Variants in ERG observed in about 807,000 individuals in gnomAD.
The protein encoded by ERG is ETS transcription factor ERG.
A neutral mutation model predicts 55.3 loss-of-function variants in ERG; 9 were observed. The ratio of observed to expected loss-of-function variants is 0.16; its 90% confidence interval spans 0.10 to 0.28. The LOEUF (loss-of-function observed/expected upper bound fraction) is 0.28, where lower values mean the gene tolerates loss of function less well. Ranked by LOEUF, ERG falls within the 10% of genes least tolerant of loss-of-function variation. The probability of loss-of-function intolerance (pLI) is 1.00; values close to 1 mark genes in which losing one functional copy is unlikely to be tolerated. For missense variants in ERG, 434 were observed against 631.6 expected, an observed-to-expected ratio of 0.69 and a Z score of 3.35; for synonymous variants, 223 against 237.3, an observed-to-expected ratio of 0.94 and a Z score of 0.55.
intron 2 of ERG, among the ~76,000 whole-genome samples, chr21:38,565,938 T>A (rs2059920217): frequency 6.6e-6 from 1 of 152,194 alleles, no homozygotes; most frequent in Non-Finnish European, 1.5e-5. Context: ...TGAGATAACG[T>A]AACTTGTTGA....
chr21:38,613,221 G>T (rs1172906167), intron 1 of ERG, among the ~76,000 whole-genome samples: 1 of 152,228 alleles, frequency 6.6e-6, no homozygotes, highest in Non-Finnish European at 1.5e-5. Context: ...AGACCAAGCA[G>T]TTTCACTGCT....
chr21:38,412,188 C>G (rs1237229743), intron 3 of ERG, among the ~76,000 whole-genome samples: 4 of 152,150 alleles, frequency 2.6e-5, no homozygotes, highest in Non-Finnish European at 5.9e-5. Flanking sequence ...CTTATTATCA[C>G]TGATCTATCT....
intron 2 of ERG, among the ~76,000 whole-genome samples, chr21:38,573,563 A>T (rs554146653): frequency 6.6e-6 from 1 of 152,244 alleles, no homozygotes; most frequent in Non-Finnish European, 1.5e-5. Flanking sequence ...CTATGTGCAC[A>T]TCCAGGCATA....
At chr21:38,486,087 C>A (rs2146662471) in intron 1 of ERG, among the ~76,000 whole-genome samples, 1 of 151,946 alleles carries the variant, frequency 6.6e-6, no homozygotes, top group Non-Finnish European at 1.5e-5. Flanking sequence ...GTGCGTGCCA[C>A]CATGCCTGGC....
intron 1 of ERG, among the ~76,000 whole-genome samples, chr21:38,457,658 G>A (rs1336039547): frequency 2.0e-5 from 3 of 152,150 alleles, no homozygotes; most frequent in African/African-American, 7.2e-5. Context: ...ATCTTTCCCA[G>A]GAAGAAAAGG....
At chr21:38,577,351 C>T (rs1465182012) in intron 1 of ERG, among the ~76,000 whole-genome samples, 1 of 152,154 alleles carries the variant, frequency 6.6e-6, no homozygotes, top group Non-Finnish European at 1.5e-5. Context: ...CCAAGATTGG[C>T]GGAGCTTGGC....
chr21:38,383,356 G>A lies in ERG; in HGVS notation c.*47C>T, dbSNP rs753450790. 1.4e-6 allele frequency: 2 copies of A among 1,440,134 alleles called. No individual in the cohort carries two copies. The highest frequency in any genetic ancestry group is 2.3e-5 in the East Asian group (1 of 42,630). 89.2% of individuals were successfully genotyped at this position (1,440,134 alleles called of 1,614,324 possible). On this transcript the variant is annotated 3_prime_UTR_variant, in exon 10 of 10. Coordinates refer to ENST00000288319, the MANE Select transcript of ERG (RefSeq NM_182918.4). The surrounding 1 kb of genome is among the most constrained non-coding windows in gnomAD (Gnocchi z 5.7). The stretch of plus-strand genomic sequence containing the variant: ...CATGTTCTCCGATAGAGTTTGTGGC[G>A]ATGGGCTGGTGAATGCACGCTGATG...
At chr21:38,591,027 T>C (rs1224278047) in intron 1 of ERG, among the ~76,000 whole-genome samples, 2 of 152,108 alleles carry the variant, frequency 1.3e-5, no homozygotes, top group East Asian at 1.9e-4. Flanking sequence ...CAGAAGAGGA[T>C]TGAAGGCAGT....
intron 4 of ERG, 89 bp downstream of exon 4, chr21:38,403,417 C>T: frequency 3.1e-6 from 4 of 1,280,756 alleles, no homozygotes; most frequent in Admixed American, 3.6e-5. Context: ...CAGGAGGATG[C>T]TGTCGACACA....
At chr21:38,409,238 C>T (rs1406983371) in intron 3 of ERG, among the ~76,000 whole-genome samples, 3 of 152,008 alleles carry the variant, frequency 2.0e-5, no homozygotes, top group African/African-American at 7.2e-5. Context: ...AATCCCAGCA[C>T]TTTGGGAGGC....
chr21:38,389,286 T>C (rs1987857554), intron 9 of ERG, among the ~76,000 whole-genome samples: 1 of 152,136 alleles, frequency 6.6e-6, no homozygotes, highest in Non-Finnish European at 1.5e-5. Context: ...TTAACTTCTC[T>C]GGACTTCTAA....
At chr21:38,514,235 AG>A (rs1204505531) in intron 2 of ERG, among the ~76,000 whole-genome samples, 18 of 151,814 alleles carry the variant, frequency 1.2e-4, no homozygotes, top group African/African-American at 3.9e-4. Flanking sequence ...TAAAAAAAAA[AG>A]GATGCCACTC....
At chr21:38,379,079 T>C (rs558660562), downstream of ERG, among the ~76,000 whole-genome samples, 28 of 152,202 alleles carry the variant, frequency 1.8e-4, no homozygotes, top group Admixed American at 1.6e-3. Context: ...TGCTGCTCCA[T>C]CAAACTCCCA....
chr21:38,661,517 G>A (rs1267556976), intron 1 of ERG: 1 of 152,220 alleles, frequency 6.6e-6, no homozygotes. Context: ...AGCCGCCCTT[G>A]GGAGACGACG....
In ERG at chr21:38,484,081, T is replaced by A. The variant is rs536951821; in HGVS notation, c.18+14282A>T. 1.1e-4 allele frequency among the ~76,000 whole-genome samples: 16 copies of A among 152,276 alleles called. No homozygotes were observed. The South Asian group carries it at 2.7e-3, about 26-fold the overall frequency. ...GACAACAGCCACAGAACTTAAGGCA[T>A]AGAACTTTAACAACACACGTTTTGA... On this transcript the variant is annotated intron_variant, in intron 1 of 9. Transcript: ENST00000288319.
Position 38,402,509 on chromosome 21 carries a change from G to A in ERG, c.673+48C>T, listed in dbSNP as rs113975077. The A allele has an allele frequency of 4.9e-5, 71 of 1,441,744 alleles. 1 individual carries two copies. The African/African-American group carries it at 6.1e-4, about 12-fold the overall frequency. 89.3% of individuals were successfully genotyped at this position (1,441,744 alleles called of 1,614,324 possible). ...TCCCATGAAAGCATGCAACCTGTAC[G>A]TAAGACCCTACGCTCTTGCTGGGAG... On this transcript the variant is annotated intron_variant, in intron 5 of 9. Transcript: ENST00000288319.
chr21:38,418,323 G>A (rs183726617), intron 3 of ERG, among the ~76,000 whole-genome samples: 1 of 149,356 alleles, frequency 6.7e-6, no homozygotes, highest in Admixed American at 6.7e-5. Context: ...GTCTCACTCT[G>A]GCTTCCTGGT....
At chr21:38,527,748 G>A (rs552692690) in intron 2 of ERG, among the ~76,000 whole-genome samples, 1 of 152,334 alleles carries the variant, frequency 6.6e-6, no homozygotes, top group East Asian at 1.9e-4. Flanking sequence ...AAGCTTTGAA[G>A]CCAGAGGTTA....
chr21:38,543,494 T>A (rs2146801164), intron 2 of ERG, among the ~76,000 whole-genome samples: 1 of 152,238 alleles, frequency 6.6e-6, no homozygotes, highest in East Asian at 1.9e-4. Context: ...AATGGGCATA[T>A]ATGACTTTTA....
Sources: allele counts gnomAD v4.1 joint callset (sites outside exome capture counted in the v4.1 genomes callset), GRCh38; gene constraint gnomAD v4.1.1; non-coding constraint Gnocchi (gnomAD v3.1); transcripts MANE v1.5; gene names NCBI Gene and HGNC (gene_info 2026-07-23, HGNC 2026-07-21).